Variants in ZIC4 observed in about 807,000 individuals in gnomAD.
The protein encoded by ZIC4 is Zic family zinc finger 4, also known as zinc finger protein ZIC 4.
In ZIC4, 15 loss-of-function variants were observed where a neutral mutation model predicts 28.8. That is an observed-to-expected ratio of 0.52 (90% CI 0.35 to 0.80). The LOEUF is 0.80. ZIC4 is among the 30% of genes least tolerant of loss of function. The pLI, the probability that ZIC4 is intolerant of heterozygous loss-of-function variation, is 0.01. For missense variants in ZIC4, 512 were observed against 467.1 expected, an observed-to-expected ratio of 1.10 and a Z score of -0.89; for synonymous variants, 220 against 198.1, an observed-to-expected ratio of 1.11 and a Z score of -0.93.
intron 1 of ZIC4, chr3:147,405,403 G>T: frequency 6.5e-7 from 1 of 1,537,118 alleles, no homozygotes; most frequent in Non-Finnish European, 8.7e-7. Context: ...TCCTGAAGAC[G>T]GTGACGGCCG....
Position 147,388,592 on chromosome 3 carries a change from C to G in ZIC4, c.*267G>C. 2.4e-6 allele frequency: 1 copy of G among 414,834 alleles called. No homozygotes were observed. The highest frequency in any genetic ancestry group is 4.3e-6 in the Non-Finnish European group (1 of 235,138). The allele number at this position is 414,834 out of a possible 1,614,324, so 25.7% of individuals were successfully genotyped here. ...TGAAAATGATTTAGTCCGCGTCAAA[C>G]AAAAATATATACTTGTATACACAAG... is the stretch of plus-strand genomic sequence containing the variant. On this transcript the variant is annotated 3_prime_UTR_variant, in exon 5 of 5. Coordinates refer to ENST00000383075, the MANE Select transcript of ZIC4 (RefSeq NM_032153.6).
chr3:147,393,941 A>C, intron 3 of ZIC4: 1 of 456,718 alleles, frequency 2.2e-6, no homozygotes, highest in South Asian at 1.5e-5. Context: ...CCCCGGATTC[A>C]GGTCAGGGAG....
rs2087276311 is a variant in ZIC4 at position 147,406,364 on chromosome 3, C to G, written c.-17G>C. 1 of 152,542 alleles carries G rather than the reference C, an allele frequency of 6.6e-6. No homozygotes were observed. 9.4% of individuals were successfully genotyped at this position (152,542 alleles called of 1,614,324 possible). ...TGCCCCCTGGACTCACGCACTTACC[C>G]CACTCCACCTGTTGCCAGGATCGCC... On this transcript the variant is annotated splice_region_variant and 5_prime_UTR_variant, in exon 1 of 5. Coordinates refer to ENST00000383075, the MANE Select transcript of ZIC4 (RefSeq NM_032153.6).
At chr3:147,399,166 C>G (rs1167449920) in intron 2 of ZIC4, among the ~76,000 whole-genome samples, 8 of 152,158 alleles carry the variant, frequency 5.3e-5, no homozygotes, top group Non-Finnish European at 1.2e-4. Context: ...GGCTTCCACA[C>G]AGCAGTTTTG....
In ZIC4 at chr3:147,393,739, C is replaced by T. The variant is rs1037513875; in HGVS notation, c.688+2113G>A. The stretch of plus-strand genomic sequence containing the variant: ...CGGATCCCCAGCACTGACTCGCCCT[C>T]AGACGCCGGGGAAGGTGTGGTGAGC... On this transcript the variant is annotated intron_variant, in intron 3 of 4. Transcript: ENST00000383075. 3 of 360,498 alleles carry T rather than the reference C, an allele frequency of 8.3e-6. No homozygotes were observed. In the Admixed American group the frequency reaches 1.1e-4, roughly 13 times the overall value. The allele number at this position is 360,498 out of a possible 1,614,324, so 22.3% of individuals were successfully genotyped here.
At chr3:147,397,420 C>T (rs540817085) in intron 2 of ZIC4, among the ~76,000 whole-genome samples, 9 of 152,176 alleles carry the variant, frequency 5.9e-5, no homozygotes, top group African/African-American at 2.2e-4. Context: ...TCCCTCACCC[C>T]ACCCCCACAG....
Position 147,396,214 on chromosome 3 carries a change from G to T in ZIC4, c.326C>A (p.Ala109Glu), listed in dbSNP as rs375753545. Residue 109 changes from alanine to glutamate, a missense_variant, in exon 3 of 5, where the codon GCG becomes GAG. Physicochemically the swap from Ala to Glu is moderately radical, Grantham distance 107. Around this residue, in one of 3 missense-constraint regions of ZIC4, gnomAD observed 310 missense variants for 256.5 expected, o/e 1.21. Coordinates refer to ENST00000383075, the MANE Select transcript of ZIC4 (RefSeq NM_032153.6). The surrounding 1 kb of genome is among the most constrained non-coding windows in gnomAD (Gnocchi z 4.2). ...GAAGAAAGCGCCAGGACCGTGGGGCGCAGCGAGGTTCACCGTCAGGTTCAT... is the reference window on the plus strand; with the variant it reads ...GAAGAAAGCGCCAGGACCGTGGGGCTCAGCGAGGTTCACCGTCAGGTTCAT... ...GGMNLTVNLA[A>E]PHGPGAFFRY... 3.7e-6 allele frequency: 6 copies of T among 1,614,004 alleles called. No individual in the cohort carries two copies. In the African/African-American group the frequency reaches 4.0e-5, roughly 11 times the overall value.
chr3:147,396,207 G>C lies in ZIC4; in HGVS notation c.333C>G (p.His111Gln). ...TGTAGCGGAAGAAAGCGCCAGGACCGTGGGGCGCAGCGAGGTTCACCGTCA... is the reference window on the plus strand; with the variant it reads ...TGTAGCGGAAGAAAGCGCCAGGACCCTGGGGCGCAGCGAGGTTCACCGTCA... ...MNLTVNLAAP[H>Q]GPGAFFRYMR... is the part of the protein sequence containing the mutation. The change falls in exon 3 of 5, where the codon CAC becomes CAG. Residue 111 changes from histidine (H) to glutamine (Q), a missense_variant. This residue lies in a region of ZIC4 where 310 missense variants were observed against 256.5 expected (regional missense o/e 1.21). Transcript: ENST00000383075. The surrounding 1 kb of genome is among the most constrained non-coding windows in gnomAD (Gnocchi z 4.2). The C allele has an allele frequency of 6.2e-7, 1 of 1,614,044 alleles. No individual in the cohort carries two copies.
Position 147,396,240 on chromosome 3 carries a change from G to T in ZIC4, c.300C>A (p.Gly100=). Residue 100 remains glycine, a synonymous_variant, in exon 3 of 5, where the codon GGC becomes GGA. Coordinates refer to ENST00000383075, the MANE Select transcript of ZIC4 (RefSeq NM_032153.6). The surrounding 1 kb of genome is among the most constrained non-coding windows in gnomAD (Gnocchi z 4.2). The part of the protein sequence containing the change: ...AAAAALHGYG[G]MNLTVNLAAP... ...CAGCGAGGTTCACCGTCAGGTTCAT[G>T]CCCCCGTAGCCATGCAGGGCTGCGG... is the stretch of plus-strand genomic sequence containing the variant. The T allele has an allele frequency of 6.2e-7, 1 of 1,613,664 alleles. No individual in the cohort carries two copies.
intron 4 of ZIC4, 131 bp downstream of exon 4, chr3:147,390,800 C>A (rs1271184008): frequency 8.3e-7 from 1 of 1,199,388 alleles, no homozygotes. Flanking sequence ...TCGGTGTGTG[C>A]GGAAGCAGCA....
chr3:147,392,498 G>A, intron 3 of ZIC4: 1 of 946,818 alleles, frequency 1.1e-6, no homozygotes, highest in South Asian at 4.9e-5. Flanking sequence ...TGCCGGAGCT[G>A]CAAGTGCTGC....
chr3:147,395,397 A>C (rs2087017310), intron 3 of ZIC4, among the ~76,000 whole-genome samples: 1 of 152,188 alleles, frequency 6.6e-6, no homozygotes, highest in Admixed American at 6.5e-5. Context: ...CAACTCCTAA[A>C]GAAGGCTCCA....
intron 3 of ZIC4, among the ~76,000 whole-genome samples, 161 bp downstream of exon 3, chr3:147,395,690 AT>A (rs1337685636): frequency 1.3e-5 from 2 of 152,164 alleles, no homozygotes; most frequent in Non-Finnish European, 2.9e-5. Context: ...AACTTCTGTG[AT>A]TCTAAGAATA....
chr3:147,401,233 T>G (rs2087159925), intron 2 of ZIC4, among the ~76,000 whole-genome samples: 1 of 152,208 alleles, frequency 6.6e-6, no homozygotes, highest in South Asian at 2.1e-4. Context: ...GAACATTTGG[T>G]GGCCCTACCA....
chr3:147,389,044 G>C (rs2086852109), intron 4 of ZIC4, 185 bp from the exon 5 acceptor site: 1 of 618,332 alleles, frequency 1.6e-6, no homozygotes, highest in African/African-American at 1.9e-5. Context: ...TTCCGCAAAT[G>C]CCCTCTGCAC....
At chr3:147,402,582 T>A in intron 2 of ZIC4, 146 bp downstream of exon 2, 1 of 640,544 alleles carries the variant, frequency 1.6e-6, no homozygotes. Context: ...GAGTTCTAAG[T>A]TTCATTTGAA....
rs1207921163 is a variant in ZIC4 at position 147,396,095 on chromosome 3, T to G, written c.445A>C (p.Ser149Arg). The change falls in exon 3 of 5, where the codon AGC becomes CGC. Residue 149 changes from serine to arginine, a missense_variant. This residue lies in a region of ZIC4 where 310 missense variants were observed against 256.5 expected (regional missense o/e 1.21). Coordinates refer to ENST00000383075, the MANE Select transcript of ZIC4 (RefSeq NM_032153.6). The surrounding 1 kb of genome is among the most constrained non-coding windows in gnomAD (Gnocchi z 4.2). Reference sequence around the variant, plus strand: ...TGCGTGACCAGCTCGTGCATGGTGCTGAAAGTTTTGGAGCAGAGGCTCGGG... The same window carrying G: ...TGCGTGACCAGCTCGTGCATGGTGCGGAAAGTTTTGGAGCAGAGGCTCGGG... ...ATPSLCSKTF[S>R]TMHELVTHVT... The G allele has an allele frequency of 6.2e-7, 1 of 1,614,054 alleles. No individual in the cohort carries two copies. The highest frequency in any genetic ancestry group is 8.5e-7 in the Non-Finnish European group (1 of 1,180,056).
chr3:147,402,909 G>T, intron 1 of ZIC4, 97 bp from the exon 2 acceptor site: 1 of 991,260 alleles, frequency 1.0e-6, no homozygotes, highest in Middle Eastern at 2.2e-4. Flanking sequence ...GAAAGAAGGA[G>T]TTGATCTGAA....
intron 2 of ZIC4, among the ~76,000 whole-genome samples, chr3:147,401,266 C>T (rs1032910482): frequency 6.6e-6 from 1 of 152,080 alleles, no homozygotes; most frequent in Non-Finnish European, 1.5e-5. Flanking sequence ...CCTTAAATCA[C>T]TGGTTTGAAT....
Sources: gnomAD v4.1 joint callset for allele counts (sites outside exome capture counted in the v4.1 genomes callset) on GRCh38, gnomAD v4.1.1 for gene constraint, gnomAD v4.1.1 regional missense constraint, Gnocchi (gnomAD v3.1) non-coding constraint, MANE v1.5 for transcripts, NCBI Gene and HGNC (gene_info 2026-07-23, HGNC 2026-07-21) for gene names.